The following LDHB variants were observed in gnomAD, a reference collection of about 807,000 sequenced individuals.
LDHB encodes L-lactate dehydrogenase B chain.
LDHB carries 18 observed loss-of-function variants against 33.4 expected under a neutral mutation model. The ratio of observed to expected loss-of-function variants is 0.54; its 90% CI spans 0.37 to 0.80. The LOEUF is 0.80. LDHB is among the 30% of genes least tolerant of loss of function. LDHB has a pLI of 0.00. For synonymous variants in LDHB, 121 were observed against 140.6 expected (o/e 0.86, Z 0.98); for missense variants, 345 against 407.9 (o/e 0.85, Z 1.33).
At chr12:21,645,318 C>G (rs534861874) in intron 3 of LDHB, among the ~76,000 whole-genome samples, 1 of 152,154 alleles carries the variant, frequency 6.6e-6, no homozygotes, top group African/African-American at 2.4e-5. Flanking sequence ...AATATGGCCT[C>G]GTGGGAAGGG....
intron 1 of LDHB, among the ~76,000 whole-genome samples, chr12:21,656,434 C>A (rs1938846738): frequency 6.6e-6 from 1 of 152,120 alleles, no homozygotes; most frequent in Non-Finnish European, 1.5e-5. Flanking sequence ...AAGAATGCTG[C>A]ATCTCTTTTT....
chr12:21,656,274 A>C (rs1027157508), intron 1 of LDHB, among the ~76,000 whole-genome samples: 1 of 152,222 alleles, frequency 6.6e-6, no homozygotes, highest in African/African-American at 2.4e-5. Context: ...AATTAAAAGG[A>C]GATTCTTTCG....
chr12:21,650,176 T>G (rs1006859127), intron 2 of LDHB, among the ~76,000 whole-genome samples: 1 of 151,556 alleles, frequency 6.6e-6, no homozygotes, highest in Admixed American at 6.6e-5. Context: ...GTGTTTAGTA[T>G]GCATAAAATT....
chr12:21,641,602 G>A (rs1267033173), intron 5 of LDHB, among the ~76,000 whole-genome samples: 2 of 152,164 alleles, frequency 1.3e-5, no homozygotes. Context: ...ATGGACTCTG[G>A]ATTAGATAAT....
At chr12:21,649,851 G>C (rs569886476) in intron 2 of LDHB, among the ~76,000 whole-genome samples, 56 of 152,148 alleles carry the variant, frequency 3.7e-4, no homozygotes, top group Middle Eastern at 3.4e-3. Flanking sequence ...CAGCATTTTG[G>C]GGGGCTGAGG....
intron 5 of LDHB, 21 bp from the exon 6 acceptor site, chr12:21,638,491 A>G: frequency 1.5e-6 from 2 of 1,338,904 alleles, no homozygotes; most frequent in Non-Finnish European, 1.1e-6. Context: ...AAAAAAAAAA[A>G]GACATTGCAG....
At chr12:21,637,389 A>C in intron 6 of LDHB, 195 bp from the exon 7 acceptor site, 1 of 539,570 alleles carries the variant, frequency 1.9e-6, no homozygotes, top group South Asian at 2.3e-5. Context: ...AGCACTACAC[A>C]GTAAACACTA....
intron 2 of LDHB, among the ~76,000 whole-genome samples, chr12:21,650,153 T>C (rs1258399826): frequency 9.4e-5 from 10 of 105,926 alleles, no homozygotes; most frequent in African/African-American, 4.3e-4. Flanking sequence ...CACACACACG[T>C]CTCTCTCTCC....
intron 5 of LDHB, among the ~76,000 whole-genome samples, chr12:21,639,345 A>G (rs1938304063): frequency 6.6e-6 from 1 of 152,004 alleles, no homozygotes; most frequent in Non-Finnish European, 1.5e-5. Context: ...GTAATAGAAC[A>G]TTGGACGGGA....
rs1938214579 is a variant in LDHB at position 21,636,315 on chromosome 12, G to C, written c.838-606C>G. Among the ~76,000 whole-genome samples, 4 of 149,466 alleles carry C rather than the reference G, an allele frequency of 2.7e-5. No individual in the cohort carries two copies. In the South Asian group the frequency reaches 8.4e-4, roughly 31 times the overall value. ...GGTAATAGTTAGAGACCATTAAAAG[G>C]CAAGATGCTTGGAATACCCAAGAAT... On this transcript the variant is annotated intron_variant, in intron 7 of 7. Transcript: ENST00000350669.
chr12:21,640,630 G>A (rs1938348175), intron 5 of LDHB, among the ~76,000 whole-genome samples: 1 of 151,964 alleles, frequency 6.6e-6, no homozygotes, highest in African/African-American at 2.4e-5. Flanking sequence ...TAATAGCTCT[G>A]TCTACTCAAA....
At chr12:21,638,989 G>A (rs1286951655) in intron 5 of LDHB, among the ~76,000 whole-genome samples, 1 of 151,874 alleles carries the variant, frequency 6.6e-6, no homozygotes, top group Non-Finnish European at 1.5e-5. Context: ...TACACAAAAT[G>A]GGCCTTTGAA....
chr12:21,637,416 CTTTAG>C (rs1350882070), intron 6 of LDHB: 1 of 425,404 alleles, frequency 2.4e-6, no homozygotes, highest in Non-Finnish European at 4.2e-6. Flanking sequence ...TGCTTGATAA[CTTTAG>C]TTTATTGTAT....
At chr12:21,656,850 A>G (rs1015755355) in intron 1 of LDHB, 7 of 152,224 alleles carry the variant, frequency 4.6e-5, no homozygotes, top group Non-Finnish European at 7.3e-5. Flanking sequence ...TGCTGTGGAT[A>G]TAAATCATTA....
chr12:21,636,812 G>A lies in LDHB; in HGVS notation c.837+259C>T, dbSNP rs535356631. Among the ~76,000 whole-genome samples, 4 of 152,182 alleles carry A rather than the reference G, an allele frequency of 2.6e-5. 1 individual carries two copies. The South Asian group carries it at 8.3e-4, about 32-fold the overall frequency. ...CAAATGATCAATACTTTAAGAATGT[G>A]CTAAGATTCAGAGTTAATATTTAAT... On this transcript the variant is annotated intron_variant, in intron 7 of 7. Transcript: ENST00000350669.
At chr12:21,638,992 C>G (rs1188534449) in intron 5 of LDHB, among the ~76,000 whole-genome samples, 3 of 151,794 alleles carry the variant, frequency 2.0e-5, no homozygotes. Context: ...ACAAAATGGG[C>G]CTTTGAATTG....
chr12:21,655,300 T>C (rs1229392178), intron 1 of LDHB, among the ~76,000 whole-genome samples: 2 of 152,236 alleles, frequency 1.3e-5, no homozygotes, highest in Non-Finnish European at 2.9e-5. Context: ...TTAAATTAGC[T>C]AATTTGTTTG....
chr12:21,644,639 T>G (rs1938473379), intron 3 of LDHB, among the ~76,000 whole-genome samples: 1 of 152,082 alleles, frequency 6.6e-6, no homozygotes, highest in Non-Finnish European at 1.5e-5. Context: ...CTTAAGGAAG[T>G]GTGTCCTTTT....
At chr12:21,655,887 AG>A (rs1161664443) in intron 1 of LDHB, among the ~76,000 whole-genome samples, 2 of 152,258 alleles carry the variant, frequency 1.3e-5, no homozygotes, top group Non-Finnish European at 2.9e-5. Context: ...GGCAATTTAT[AG>A]TACACTAAAT....
Sources: gnomAD v4.1 joint callset for allele counts (sites outside exome capture counted in the v4.1 genomes callset) on GRCh38, gnomAD v4.1.1 for gene constraint, MANE v1.5 for transcripts, NCBI Gene and HGNC (gene_info 2026-07-23, HGNC 2026-07-21) for gene names.